Variants in GPM6A observed in about 807,000 individuals in gnomAD.
GPM6A encodes the protein neuronal membrane glycoprotein M6-a.
Under a neutral mutation model 32.1 loss-of-function variants are expected in GPM6A, and 7 were observed. The observed-to-expected ratio is 0.22, with a 90% CI of 0.12 to 0.41. The LOEUF is 0.41. Ranked by LOEUF, GPM6A falls within the 10% of genes least tolerant of loss-of-function variation. The probability of loss-of-function intolerance (pLI) is 1.00; values close to 1 mark genes in which losing one functional copy is unlikely to be tolerated. For synonymous variants in GPM6A, 130 were observed against 123.4 expected (o/e 1.05, Z -0.35); for missense variants, 235 against 347.2 (o/e 0.68, Z 2.57).
chr4:175,962,302 T>G, intron 1 of GPM6A: 1 of 1,163,972 alleles, frequency 8.6e-7, no homozygotes, highest in Non-Finnish European at 1.3e-6. Context: ...GAAGTAAAAG[T>G]GAGTTTACTG....
intron 1 of GPM6A, among the ~76,000 whole-genome samples, chr4:175,735,563 CTTT>C (rs754424931): frequency 1.4e-5 from 2 of 143,628 alleles, no homozygotes; most frequent in Non-Finnish European, 1.5e-5. Context: ...ATTTATGAAT[CTTT>C]TTTTTTTTTT....
chr4:175,648,479 G>A (rs114858573), intron 4 of GPM6A, among the ~76,000 whole-genome samples: 1,715 of 152,270 alleles, frequency 0.011, 13 homozygotes, highest in Non-Finnish European at 0.017. Context: ...TAAGCAGTTT[G>A]GGAAAAAAAT....
chr4:175,989,566 T>C lies in GPM6A; in HGVS notation c.-23+12743A>G, dbSNP rs534103359. ...ATAATGCTAAATCATGTGATCTTTT[T>C]AAAAAAAAGCTGTTGGTATCCTGCA... is the stretch of plus-strand genomic sequence containing the variant. On this transcript the variant is annotated intron_variant, in intron 1 of 7. Transcript: ENST00000280187. Among the ~76,000 whole-genome samples the C allele has an allele frequency of 6.4e-4, 97 of 152,048 alleles. 1 individual carries two copies. In the South Asian group the frequency reaches 0.014, roughly 22 times the overall value.
intron 2 of GPM6A, 76 bp from the exon 3 acceptor site, chr4:175,673,912 A>G (rs944598288): frequency 2.2e-6 from 2 of 926,620 alleles, no homozygotes; most frequent in Non-Finnish European, 3.3e-6. Context: ...TCACATGCTC[A>G]TGATTCTTTT....
chr4:175,868,632 T>C (rs972812479), intron 1 of GPM6A, among the ~76,000 whole-genome samples: 4 of 152,256 alleles, frequency 2.6e-5, no homozygotes, highest in Admixed American at 2.0e-4. Flanking sequence ...TTTCCAGTTA[T>C]CTTTCTGTTA....
chr4:175,754,849 T>G (rs1732468114), intron 1 of GPM6A, among the ~76,000 whole-genome samples: 1 of 152,112 alleles, frequency 6.6e-6, no homozygotes, highest in Non-Finnish European at 1.5e-5. Context: ...GCACAACCAT[T>G]CTATTCCAAC....
chr4:175,959,970 G>A (rs1292048132), intron 1 of GPM6A, among the ~76,000 whole-genome samples: 1 of 152,152 alleles, frequency 6.6e-6, no homozygotes, highest in African/African-American at 2.4e-5. Flanking sequence ...ATAACCCTAT[G>A]AGAAAGAAAC....
At chr4:175,899,016 T>G (rs1282482560) in intron 1 of GPM6A, among the ~76,000 whole-genome samples, 1 of 152,196 alleles carries the variant, frequency 6.6e-6, no homozygotes, top group Non-Finnish European at 1.5e-5. Context: ...TTTCACACCT[T>G]TCCTTCCTTA....
chr4:175,759,444 A>G (rs1732656257), intron 1 of GPM6A, among the ~76,000 whole-genome samples: 1 of 152,216 alleles, frequency 6.6e-6, no homozygotes, highest in African/African-American at 2.4e-5. Context: ...CCTTTTGTAC[A>G]TAGCTTGCTA....
intron 1 of GPM6A, among the ~76,000 whole-genome samples, chr4:175,919,665 C>G (rs6818081): frequency 6.6e-6 from 1 of 152,006 alleles, no homozygotes; most frequent in Non-Finnish European, 1.5e-5. Context: ...CATCCATTCT[C>G]TCCTTCTCTC....
At position 175,709,696 on chromosome 4, in the gene GPM6A, C is replaced by T. The variant is rs982582519; in HGVS notation, c.38-7929G>A. Among the ~76,000 whole-genome samples the T allele has an allele frequency of 5.4e-5, 8 of 149,092 alleles. No individual in the cohort carries two copies. The Admixed American group carries it at 5.4e-4, about 10-fold the overall frequency. On this transcript the variant is annotated intron_variant, in intron 1 of 6. Coordinates refer to ENST00000393658, the MANE Select transcript of GPM6A (RefSeq NM_201591.3). ...TGAGCCGAGATCATGCCATTGCACT[C>T]CAGCCTGGGTGACAGAGCAAGACTC...
At chr4:175,945,365 T>C (rs1486445716) in intron 1 of GPM6A, among the ~76,000 whole-genome samples, 1 of 152,112 alleles carries the variant, frequency 6.6e-6, no homozygotes, top group East Asian at 1.9e-4. Flanking sequence ...TAGTAGAGTT[T>C]CTCTATAAAG....
chr4:175,676,705 C>T (rs548470617), intron 2 of GPM6A, among the ~76,000 whole-genome samples: 18 of 152,130 alleles, frequency 1.2e-4, no homozygotes, highest in African/African-American at 4.3e-4. Flanking sequence ...ACGATCACAC[C>T]ACTGCACTCC....
chr4:175,916,162 C>CGATA (rs1171891380), intron 1 of GPM6A, among the ~76,000 whole-genome samples: 1 of 152,196 alleles, frequency 6.6e-6, no homozygotes. Flanking sequence ...CCAGGGTTCC[C>CGATA]GATAGAAACC....
chr4:175,692,922 C>T (rs970217521), intron 2 of GPM6A, among the ~76,000 whole-genome samples: 2 of 151,896 alleles, frequency 1.3e-5, no homozygotes, highest in Admixed American at 1.3e-4. Flanking sequence ...TATTCTGCTC[C>T]ATTTTATATA....
At chr4:175,765,834 C>A (rs1341543096) in intron 1 of GPM6A, among the ~76,000 whole-genome samples, 1 of 152,148 alleles carries the variant, frequency 6.6e-6, no homozygotes, top group African/African-American at 2.4e-5. Context: ...CACATCTTAT[C>A]GGCACCACAC....
At chr4:175,779,599 C>A (rs1733534627) in intron 1 of GPM6A, among the ~76,000 whole-genome samples, 1 of 152,082 alleles carries the variant, frequency 6.6e-6, no homozygotes, top group Non-Finnish European at 1.5e-5. Context: ...TATCACCAAG[C>A]AAAATTAGGG....
intron 1 of GPM6A, among the ~76,000 whole-genome samples, chr4:175,726,017 C>T (rs1407181829): frequency 6.3e-5 from 5 of 79,604 alleles, no homozygotes; most frequent in South Asian, 3.8e-4. Flanking sequence ...TTTTTTAAGA[C>T]GGAGTCTCAC....
intron 1 of GPM6A, among the ~76,000 whole-genome samples, chr4:175,881,321 G>A (rs565264168): frequency 2.6e-5 from 4 of 152,244 alleles, no homozygotes; most frequent in African/African-American, 7.2e-5. Flanking sequence ...TTAGAATGGC[G>A]ATCATTAAAA....
Sources: gnomAD v4.1 joint callset for allele counts (sites outside exome capture counted in the v4.1 genomes callset) on GRCh38, gnomAD v4.1.1 for gene constraint, MANE v1.5 for transcripts, NCBI Gene and HGNC (gene_info 2026-07-23, HGNC 2026-07-21) for gene names.